Variants in COL4A4 observed in about 807,000 individuals in gnomAD.
COL4A4 encodes collagen alpha-4(IV) chain.
A neutral mutation model predicts 192.9 loss-of-function variants in COL4A4; 105 were observed. The observed-to-expected ratio is 0.54, with a 90% CI of 0.46 to 0.64. COL4A4 has a LOEUF of 0.64. Among genes scored for constraint, COL4A4 ranks in the 30% least tolerant of loss-of-function variants. COL4A4 has a pLI of 0.00. For synonymous variants in COL4A4, 762 were observed against 769.9 expected, an observed-to-expected ratio of 0.99 and a Z score of 0.17; for missense variants, 1,967 against 2,169.3, an observed-to-expected ratio of 0.91 and a Z score of 1.85.
chr2:227,126,935 G>C (rs1172513060), intron 4 of COL4A4, among the ~76,000 whole-genome samples: 1 of 152,120 alleles, frequency 6.6e-6, no homozygotes, highest in Non-Finnish European at 1.5e-5. Flanking sequence ...AGGACAAATA[G>C]ACATAAGTAG....
chr2:227,060,388 C>T, intron 26 of COL4A4, 145 bp from the exon 27 acceptor site: 2 of 607,612 alleles, frequency 3.3e-6, no homozygotes, highest in Non-Finnish European at 5.7e-6. Context: ...TCCCGATTTA[C>T]AAAAATATAT....
rs140366734 is a variant in COL4A4 at position 227,071,336 on chromosome 2, A to C, written c.1987+6558T>G. Among the ~76,000 whole-genome samples the C allele has an allele frequency of 3.6e-3, 544 of 152,304 alleles. 3 individuals carry two copies. The highest frequency in any genetic ancestry group is 0.013 in the African/African-American group (524 of 41,572). ...GTCACTATGTAATGATAAAACGATC[A>C]ACAAGAAGATACTACAATCATAAAT... On this transcript the variant is annotated intron_variant, in intron 25 of 47. Coordinates refer to ENST00000396625, the MANE Select transcript of COL4A4 (RefSeq NM_000092.5).
At position 227,143,844 on chromosome 2, in the gene COL4A4, C is replaced by G. The variant is rs145136418; in HGVS notation, c.114+672G>C. 6.9e-4 allele frequency among the ~76,000 whole-genome samples: 105 copies of G among 152,290 alleles called. 1 individual carries two copies. The East Asian group carries it at 0.018, about 26-fold the overall frequency. ...ATGAATCTTTGGCAGAGCCAAGAAC[C>G]ACTGGCTCCTCATTCTTTGACCCAG... On this transcript the variant is annotated intron_variant, in intron 3 of 47. Coordinates refer to ENST00000396625, the MANE Select transcript of COL4A4 (RefSeq NM_000092.5).
chr2:227,093,063 C>T (rs1430423455), intron 20 of COL4A4, among the ~76,000 whole-genome samples: 2 of 152,120 alleles, frequency 1.3e-5, no homozygotes, highest in African/African-American at 4.8e-5. Context: ...AACAGTTTGA[C>T]TCTTAAACCT....
chr2:226,981,289 G>A, the COL4A4 span, among the ~76,000 whole-genome samples: 6 of 152,034 alleles, frequency 3.9e-5, no homozygotes, highest in African/African-American at 7.2e-5. Flanking sequence ...TGGGTGCAGC[G>A]GGCCAGCATG....
chr2:226,968,556 C>G, the COL4A4 span, among the ~76,000 whole-genome samples: 1 of 152,298 alleles, frequency 6.6e-6, no homozygotes, highest in East Asian at 1.9e-4. Context: ...CACAGCAGCA[C>G]CCTGATTAGT....
chr2:226,992,396 T>C, the COL4A4 span, among the ~76,000 whole-genome samples: 2 of 152,230 alleles, frequency 1.3e-5, no homozygotes, highest in African/African-American at 4.8e-5. Context: ...AACAAAGCAA[T>C]TCGGCCATTC....
intron 8 of COL4A4, among the ~76,000 whole-genome samples, chr2:227,112,785 G>A (rs1329418061): frequency 7.2e-5 from 11 of 152,106 alleles, no homozygotes; most frequent in African/African-American, 2.7e-4. Context: ...GTATGAATTT[G>A]ACTATTTTTC....
chr2:227,011,195 A>G (rs1450781001), intron 45 of COL4A4, among the ~76,000 whole-genome samples: 1 of 152,180 alleles, frequency 6.6e-6, no homozygotes, highest in African/African-American at 2.4e-5. Flanking sequence ...AGCTGTTTCT[A>G]ATTGCCAAGA....
At position 227,154,809 on chromosome 2, in the gene COL4A4, C is replaced by T. The variant is rs1300624929; in HGVS notation, c.-101-7225G>A. ...GACATGTCTTATTCACATCCATCTA[C>T]CTGGACACCTCCTTTGGAGGGCTAC... On this transcript the variant is annotated intron_variant, in intron 1 of 47. Transcript: ENST00000396625. Among the ~76,000 whole-genome samples the T allele has an allele frequency of 4.6e-5, 7 of 152,222 alleles. No homozygotes were observed. The South Asian group carries it at 1.4e-3, about 31-fold the overall frequency.
At chr2:227,113,107 T>C (rs1428610499) in intron 8 of COL4A4, among the ~76,000 whole-genome samples, 1 of 152,218 alleles carries the variant, frequency 6.6e-6, no homozygotes, top group African/African-American at 2.4e-5. Context: ...ATATAGTAAT[T>C]CTATGTTTAA....
chr2:227,056,493 C>A lies in COL4A4; in HGVS notation c.2546-378G>T, dbSNP rs1975398611. Among the ~76,000 whole-genome samples the A allele has an allele frequency of 2.0e-5, 3 of 152,172 alleles. No individual in the cohort carries two copies. The South Asian group carries it at 6.2e-4, about 32-fold the overall frequency. On this transcript the variant is annotated intron_variant, in intron 29 of 47. Coordinates refer to ENST00000396625, the MANE Select transcript of COL4A4 (RefSeq NM_000092.5). ...AGAAGAAGTCAGAGCCGGTGTCTAA[C>A]ATTATTGGTGCTAGAAATATGGCTG...
At chr2:227,119,721 GAT>G (rs995106716) in intron 6 of COL4A4, among the ~76,000 whole-genome samples, 172 bp downstream of exon 6, 2 of 147,980 alleles carry the variant, frequency 1.4e-5, no homozygotes, top group African/African-American at 2.5e-5. Flanking sequence ...TATGGTGAAA[GAT>G]ATATATATAT....
At chr2:227,041,927 T>G (rs1192497453) in intron 37 of COL4A4, among the ~76,000 whole-genome samples, 14 of 116,990 alleles carry the variant, frequency 1.2e-4, no homozygotes. Context: ...AGAAAGAAAA[T>G]GGTAGCACTA....
At chr2:227,020,524 C>G (rs1490892622) in intron 44 of COL4A4, among the ~76,000 whole-genome samples, 3 of 152,200 alleles carry the variant, frequency 2.0e-5, no homozygotes, top group African/African-American at 7.2e-5. Context: ...AAGAACGAGT[C>G]TGACTCCTGT....
chr2:227,140,324 GTTTACC>G (rs1355978638), intron 3 of COL4A4, 86 bp from the exon 4 acceptor site: 1 of 1,101,668 alleles, frequency 9.1e-7, no homozygotes, highest in South Asian at 1.3e-5. Context: ...AGCACTCTTG[GTTTACC>G]TTTGACTCCA....
chr2:227,131,329 A>AT (rs1320912774), intron 4 of COL4A4, among the ~76,000 whole-genome samples: 2 of 151,506 alleles, frequency 1.3e-5, no homozygotes, highest in Non-Finnish European at 2.9e-5. Flanking sequence ...TAATTTTTGT[A>AT]TTTTTTTAGT....
chr2:227,022,029 A>T lies in COL4A4; in HGVS notation c.4216+19T>A. The T allele has an allele frequency of 6.2e-7, 1 of 1,607,346 alleles. No homozygotes were observed. Among genetic ancestry groups the T allele is most frequent in the Non-Finnish European group, 8.5e-7 (1 of 1,176,928 alleles). On this transcript the variant is annotated intron_variant, in intron 44 of 47. Coordinates refer to ENST00000396625, the MANE Select transcript of COL4A4 (RefSeq NM_000092.5). ...CAATATATCATGAAAATAATGAACA[A>T]TCAGCATGCGGCTCATACCTGGTCC...
rs200576882 is a variant in COL4A4 at position 227,030,428 on chromosome 2, G to A, written c.3973+15C>T. The A allele has an allele frequency of 2.5e-6, 4 of 1,613,868 alleles. No individual in the cohort carries two copies. The Admixed American group carries it at 5.0e-5, about 20-fold the overall frequency. ...CAAGTTATTCACATATTACTTAACG[G>A]AACAACATTCATACCTTTCTGGCCA... On this transcript the variant is annotated intron_variant, in intron 41 of 47. Transcript: ENST00000396625.
Sources: gnomAD v4.1 joint callset for allele counts (sites outside exome capture counted in the v4.1 genomes callset) on GRCh38, gnomAD v4.1.1 for gene constraint, MANE v1.5 for transcripts, NCBI Gene and HGNC (gene_info 2026-07-23, HGNC 2026-07-21) for gene names.